The following IER3IP1 variants were observed in gnomAD, a reference collection of about 807,000 sequenced individuals.
IER3IP1 encodes the protein immediate early response 3 interacting protein 1, also known as immediate early response 3-interacting protein 1.
Under a neutral mutation model 12.2 loss-of-function variants are expected in IER3IP1, and 16 were observed. The ratio of observed to expected loss-of-function variants is 1.31; its 90% CI spans 0.89 to 1.99. IER3IP1 has a LOEUF of 1.99. Ranked by LOEUF, IER3IP1 falls within the 30% of genes most tolerant of loss-of-function variation. The pLI is 0.00. For synonymous variants in IER3IP1, 42 were observed against 40.0 expected (o/e 1.05, Z -0.19); for missense variants, 95 against 95.8 (o/e 0.99, Z 0.03).
chr18:47,167,950 A>G (rs141532045), intron 1 of IER3IP1, among the ~76,000 whole-genome samples: 1,827 of 151,460 alleles, frequency 0.012, 23 homozygotes, highest in Non-Finnish European at 0.019. Flanking sequence ...ATGGTGAAAC[A>G]CAGTCTCTAC....
intron 1 of IER3IP1, among the ~76,000 whole-genome samples, chr18:47,163,621 T>C (rs1417253701): frequency 6.6e-6 from 1 of 152,140 alleles, no homozygotes; most frequent in East Asian, 1.9e-4. Flanking sequence ...TGTGAAACCC[T>C]TCCATAGCAT....
intron 1 of IER3IP1, among the ~76,000 whole-genome samples, chr18:47,164,692 G>T (rs2063990301): frequency 6.6e-6 from 1 of 151,680 alleles, no homozygotes; most frequent in African/African-American, 2.4e-5. Context: ...TGAGGTGGGA[G>T]CACTGCTTGA....
chr18:47,157,168 T>C (rs2063963372), intron 2 of IER3IP1: 2 of 438,752 alleles, frequency 4.6e-6, no homozygotes, highest in Non-Finnish European at 8.1e-6. Flanking sequence ...AAGAATATAA[T>C]TTTGTCTTTT....
intron 1 of IER3IP1, among the ~76,000 whole-genome samples, chr18:47,161,864 T>C (rs1430486250): frequency 6.6e-6 from 1 of 150,844 alleles, no homozygotes; most frequent in African/African-American, 2.4e-5. Flanking sequence ...TGCAACTAGA[T>C]GGCCCCAACT....
intron 1 of IER3IP1, among the ~76,000 whole-genome samples, chr18:47,158,147 A>C (rs1030016011): frequency 6.6e-6 from 1 of 152,206 alleles, no homozygotes; most frequent in African/African-American, 2.4e-5. Flanking sequence ...GAAATATCAA[A>C]ATCTCAAAAA....
At chr18:47,170,628 A>G (rs1233673757) in intron 1 of IER3IP1, among the ~76,000 whole-genome samples, 1 of 152,016 alleles carries the variant, frequency 6.6e-6, no homozygotes, top group Non-Finnish European at 1.5e-5. Flanking sequence ...ATTTATTCCT[A>G]AGTATTTCAT....
rs1276409390 is a variant in IER3IP1, at chr18:47,155,549, A to G, written c.*628T>C. The stretch of plus-strand genomic sequence containing the variant: ...GGCAAATTAATAAAATAACAAGTGC[A>G]TGGAAAGAATGTTAAACAAAAACAT... On this transcript the variant is annotated 3_prime_UTR_variant, in exon 3 of 3. Coordinates refer to ENST00000256433, the MANE Select transcript of IER3IP1 (RefSeq NM_016097.5). The G allele has an allele frequency of 6.6e-6, 1 of 152,246 alleles. No homozygotes were observed. The highest frequency in any genetic ancestry group is 1.9e-4 in the East Asian group (1 of 5,204). 9.4% of individuals were successfully genotyped at this position (152,246 alleles called of 1,614,324 possible).
intron 1 of IER3IP1, among the ~76,000 whole-genome samples, chr18:47,164,481 T>C (rs74845165): frequency 0.052 from 7,957 of 152,022 alleles, 256 homozygotes; most frequent in East Asian, 0.092. Flanking sequence ...TTAAGAAGCA[T>C]TGCTGTTTTT....
At chr18:47,174,952 A>T (rs2064027244) in intron 1 of IER3IP1, among the ~76,000 whole-genome samples, 2 of 152,294 alleles carry the variant, frequency 1.3e-5, no homozygotes, top group East Asian at 1.9e-4. Context: ...GCAGATACAC[A>T]AGTTAGTATC....
Position 47,155,406 on chromosome 18 carries a change from C to T in IER3IP1, c.*771G>A, listed in dbSNP as rs1392300321. ...GTGTAATTGTGATTGTTTAGGACTG[C>T]TCTTGTGGGCTAATATTTACGCTGT... On this transcript the variant is annotated 3_prime_UTR_variant, in exon 3 of 3. Coordinates refer to ENST00000256433, the MANE Select transcript of IER3IP1 (RefSeq NM_016097.5). 6.6e-6 allele frequency: 1 copy of T among 152,038 alleles called. No individual in the cohort carries two copies. Among genetic ancestry groups the T allele is most frequent in the Non-Finnish European group, 1.5e-5 (1 of 68,026 alleles). 9.4% of individuals were successfully genotyped at this position (152,038 alleles called of 1,614,324 possible). A position where few individuals can be genotyped will look rare whatever the true frequency, so the allele number is the denominator to read the frequency against.
At chr18:47,158,921 C>G (rs1257093151) in intron 1 of IER3IP1, among the ~76,000 whole-genome samples, 3 of 152,082 alleles carry the variant, frequency 2.0e-5, no homozygotes, top group Non-Finnish European at 4.4e-5. Context: ...CATGATCATG[C>G]TACTGCACTC....
chr18:47,161,131 G>GTT (rs917427094), intron 1 of IER3IP1, among the ~76,000 whole-genome samples: 1 of 152,030 alleles, frequency 6.6e-6, no homozygotes, highest in Admixed American at 6.5e-5. Flanking sequence ...GAAGAGAACA[G>GTT]TTTTTTTAAA....
At chr18:47,175,152 G>T (rs1477836900) in intron 1 of IER3IP1, among the ~76,000 whole-genome samples, 1 of 152,278 alleles carries the variant, frequency 6.6e-6, no homozygotes, top group East Asian at 1.9e-4. Context: ...TCTTGCTCCT[G>T]GGTTTACGTT....
At chr18:47,159,441 G>A (rs149562414) in intron 1 of IER3IP1, among the ~76,000 whole-genome samples, 2 of 152,324 alleles carry the variant, frequency 1.3e-5, no homozygotes, top group East Asian at 3.9e-4. Context: ...AGTCAACACT[G>A]TGGTAATGTA....
Position 47,176,168 on chromosome 18 carries a change from G to A in IER3IP1, c.91+19C>T, listed in dbSNP as rs2064032735. 1.3e-6 allele frequency: 2 copies of A among 1,573,282 alleles called. No homozygotes were observed. The highest frequency in any genetic ancestry group is 1.7e-6 in the Non-Finnish European group (2 of 1,159,278). ...GGACTCCGCCGCCGCCCCAGCCCGC[G>A]CCCCGCGGTCCCACTCACTGTTCTT... On this transcript the variant is annotated intron_variant, in intron 1 of 2. Coordinates refer to ENST00000256433, the MANE Select transcript of IER3IP1 (RefSeq NM_016097.5).
intron 1 of IER3IP1, among the ~76,000 whole-genome samples, chr18:47,158,185 G>A (rs561436897): frequency 6.6e-6 from 1 of 152,260 alleles, no homozygotes; most frequent in Admixed American, 6.5e-5. Flanking sequence ...TACTTTTTTA[G>A]ATTCTTTTTC....
chr18:47,173,695 G>A (rs531461694), intron 1 of IER3IP1, among the ~76,000 whole-genome samples: 15 of 152,300 alleles, frequency 9.8e-5, no homozygotes, highest in African/African-American at 3.4e-4. Flanking sequence ...TAACAAAGCA[G>A]CACAAACTGG....
chr18:47,159,616 AAAAG>A (rs757266436), intron 1 of IER3IP1, among the ~76,000 whole-genome samples: 6 of 152,192 alleles, frequency 3.9e-5, no homozygotes, highest in African/African-American at 7.2e-5. Context: ...AAACAACTGA[AAAAG>A]AAAAAGAAGA....
Position 47,161,189 on chromosome 18 carries a change from T to C in IER3IP1, c.92-3652A>G, listed in dbSNP as rs533368900. Among the ~76,000 whole-genome samples, 3 of 152,364 alleles carry C rather than the reference T, an allele frequency of 2.0e-5. No individual in the cohort carries two copies. In the East Asian group the frequency reaches 5.8e-4, roughly 29 times the overall value. On this transcript the variant is annotated intron_variant, in intron 1 of 2. Transcript: ENST00000256433. Reference sequence around the variant, plus strand: ...ATATCAGGAAATAAGACTTCACTTTTAATCAACTTTTATTTGGTTGAAATA... The same window carrying C: ...ATATCAGGAAATAAGACTTCACTTTCAATCAACTTTTATTTGGTTGAAATA...
Sources: allele counts gnomAD v4.1 joint callset (sites outside exome capture counted in the v4.1 genomes callset), GRCh38; gene constraint gnomAD v4.1.1; transcripts MANE v1.5; gene names NCBI Gene and HGNC (gene_info 2026-07-23, HGNC 2026-07-21).